The following WAC variants were observed in gnomAD, a reference collection of about 807,000 sequenced individuals.
WAC encodes the protein WW domain containing adaptor with coiled-coil.
Under a neutral mutation model 79.6 loss-of-function variants are expected in WAC, and 11 were observed. That is an observed-to-expected ratio of 0.14 (90% confidence interval 0.09 to 0.23). The LOEUF (loss-of-function observed/expected upper bound fraction) is 0.23. WAC is among the 10% of genes least tolerant of loss of function. The pLI, the probability that WAC is intolerant of heterozygous loss-of-function variation, is 1.00. For synonymous variants in WAC, 304 were observed against 276.9 expected, an observed-to-expected ratio of 1.10 and a Z score of -0.97; for missense variants, 728 against 773.5, an observed-to-expected ratio of 0.94 and a Z score of 0.70.
chr10:28,573,495 T>C (rs908704699), intron 3 of WAC, among the ~76,000 whole-genome samples: 7 of 152,200 alleles, frequency 4.6e-5, no homozygotes, highest in Non-Finnish European at 1.0e-4. Context: ...GGTTAAAATT[T>C]TACTCCAGTA....
intron 7 of WAC, among the ~76,000 whole-genome samples, chr10:28,606,889 T>C (rs1233607388): frequency 6.6e-6 from 1 of 152,216 alleles, no homozygotes; most frequent in Non-Finnish European, 1.5e-5. Context: ...CAATTTATTA[T>C]CCATCAGAAA....
intron 7 of WAC, 41 bp from the exon 8 acceptor site, chr10:28,608,145 C>CT (rs1167270148): frequency 6.2e-7 from 1 of 1,607,848 alleles, no homozygotes; most frequent in African/African-American, 1.3e-5. Context: ...CCAATTTTCT[C>CT]TATTCAGGTA....
chr10:28,602,860 A>G (rs1003371606), intron 7 of WAC, among the ~76,000 whole-genome samples: 3 of 152,236 alleles, frequency 2.0e-5, no homozygotes, highest in African/African-American at 7.2e-5. Context: ...ATTTGGAAAT[A>G]CAAGTGAATA....
In WAC at chr10:28,619,626, T is replaced by A; in HGVS notation, c.*20T>A. Reference sequence around the variant, plus strand: ...GTGTGAAGATGTGAATAATTGCACATGGTTTTGAGAACAGGAACTGTAAAT... The same window carrying A: ...GTGTGAAGATGTGAATAATTGCACAAGGTTTTGAGAACAGGAACTGTAAAT... On this transcript the variant is annotated 3_prime_UTR_variant, in exon 14 of 14. Coordinates refer to ENST00000354911, the MANE Select transcript of WAC (RefSeq NM_016628.5). 6.4e-7 allele frequency: 1 copy of A among 1,564,086 alleles called. No individual in the cohort carries two copies. The highest frequency in any genetic ancestry group is 8.6e-7 in the Non-Finnish European group (1 of 1,164,082).
intron 7 of WAC, among the ~76,000 whole-genome samples, chr10:28,602,716 T>G (rs1373986029): frequency 1.3e-5 from 2 of 152,200 alleles, no homozygotes; most frequent in African/African-American, 4.8e-5. Flanking sequence ...TGACTTTAGT[T>G]TATGCTCTTT....
At chr10:28,540,013 T>C (rs1304129150) in intron 3 of WAC, among the ~76,000 whole-genome samples, 1 of 152,196 alleles carries the variant, frequency 6.6e-6, no homozygotes, top group African/African-American at 2.4e-5. Flanking sequence ...TAATATAATT[T>C]AGTAACGTTT....
At chr10:28,609,078 T>C (rs1275455444) in intron 8 of WAC, among the ~76,000 whole-genome samples, 7 of 152,208 alleles carry the variant, frequency 4.6e-5, no homozygotes, top group Admixed American at 1.3e-4. Context: ...ACACGTTAAT[T>C]CCTAAAAGCA....
intron 3 of WAC, among the ~76,000 whole-genome samples, chr10:28,575,878 T>C (rs1839218333): frequency 6.6e-6 from 1 of 152,246 alleles, no homozygotes; most frequent in Non-Finnish European, 1.5e-5. Flanking sequence ...TGAAGTACTG[T>C]GTATGTGAAG....
rs986395436 is a variant in WAC at position 28,535,944 on chromosome 10, A to G, written c.274+187A>G. ...AAACAAGATGCTGATGTGAGCATCT[A>G]AAAAGTGGACTCTTAAGGCCAGGCG... On this transcript the variant is annotated intron_variant, in intron 3 of 13. Transcript: ENST00000354911. 7.3e-6 allele frequency: 4 copies of G among 548,660 alleles called. No individual in the cohort carries two copies. In the African/African-American group the frequency reaches 7.8e-5, roughly 11 times the overall value. The allele number at this position is 548,660 out of a possible 1,614,324, so 34.0% of individuals were successfully genotyped here.
chr10:28,615,064 A>G (rs1408019983), intron 11 of WAC: 1 of 169,218 alleles, frequency 5.9e-6, no homozygotes, highest in Non-Finnish European at 1.3e-5. Context: ...AAAGTCTGGT[A>G]TCTAAAACTT....
At chr10:28,588,105 C>T (rs1839914108) in intron 4 of WAC, among the ~76,000 whole-genome samples, 1 of 152,184 alleles carries the variant, frequency 6.6e-6, no homozygotes, top group African/African-American at 2.4e-5. Context: ...TCTACCTCTT[C>T]AGTTCAGTAA....
chr10:28,571,851 A>G (rs1394817624), intron 3 of WAC, among the ~76,000 whole-genome samples: 1 of 152,162 alleles, frequency 6.6e-6, no homozygotes, highest in Non-Finnish European at 1.5e-5. Context: ...TGGAAAAGGG[A>G]TAATACTCAG....
At chr10:28,598,600 G>A (rs1840491313) in intron 7 of WAC, among the ~76,000 whole-genome samples, 1 of 152,114 alleles carries the variant, frequency 6.6e-6, no homozygotes, top group South Asian at 2.1e-4. Flanking sequence ...AAACAACACT[G>A]GTGAGGGAAG....
At chr10:28,551,306 G>C (rs1837654455) in intron 3 of WAC, among the ~76,000 whole-genome samples, 1 of 152,104 alleles carries the variant, frequency 6.6e-6, no homozygotes, top group Non-Finnish European at 1.5e-5. Flanking sequence ...TGACTATAAT[G>C]ATGTAAAGTG....
At chr10:28,608,020 T>C (rs970344314) in intron 7 of WAC, among the ~76,000 whole-genome samples, 166 bp from the exon 8 acceptor site, 2 of 152,222 alleles carry the variant, frequency 1.3e-5, no homozygotes, top group Admixed American at 1.3e-4. Context: ...AAATCATTAT[T>C]CTAGTCATGT....
chr10:28,535,801 A>G (rs201054383), intron 3 of WAC, 44 bp downstream of exon 3: 8 of 1,499,166 alleles, frequency 5.3e-6, no homozygotes, highest in Non-Finnish European at 6.3e-6. Context: ...AGTTTTAACA[A>G]TAGCTCTATA....
At chr10:28,609,261 G>T (rs572316424) in intron 8 of WAC, among the ~76,000 whole-genome samples, 19 of 152,328 alleles carry the variant, frequency 1.2e-4, no homozygotes, top group African/African-American at 4.6e-4. Context: ...TACTCGGGAG[G>T]CTGAGGTACG....
At chr10:28,596,635 A>G (rs769023074) in intron 7 of WAC, among the ~76,000 whole-genome samples, 2 of 152,234 alleles carry the variant, frequency 1.3e-5, no homozygotes, top group African/African-American at 2.4e-5. Flanking sequence ...AAGAACAACT[A>G]CTTGGAAGGT....
At chr10:28,567,930 G>T (rs185335295) in intron 3 of WAC, among the ~76,000 whole-genome samples, 25 of 152,208 alleles carry the variant, frequency 1.6e-4, no homozygotes, top group Admixed American at 1.6e-3. Flanking sequence ...AGAGATGGGG[G>T]TCTCGCTATG....
Sources: gnomAD v4.1 joint callset for allele counts (sites outside exome capture counted in the v4.1 genomes callset) on GRCh38, gnomAD v4.1.1 for gene constraint, MANE v1.5 for transcripts, NCBI Gene and HGNC (gene_info 2026-07-23, HGNC 2026-07-21) for gene names.